The following TNFSF8 variants were observed in gnomAD, a reference collection of about 807,000 sequenced individuals.
The protein encoded by TNFSF8 is TNF superfamily member 8.
In TNFSF8, 4 loss-of-function variants were observed where a neutral mutation model predicts 22.0. The observed-to-expected ratio is 0.18, with a 90% CI of 0.09 to 0.42. The LOEUF is 0.42. TNFSF8 is among the 10% of genes least tolerant of loss of function. The pLI is 1.00. For synonymous variants in TNFSF8, 106 were observed against 112.5 expected, an observed-to-expected ratio of 0.94 and a Z score of 0.37; for missense variants, 233 against 281.8, an observed-to-expected ratio of 0.83 and a Z score of 1.24.
intron 4 of TNFSF8, chr9:114,894,245 C>G: frequency 8.0e-7 from 1 of 1,248,582 alleles, no homozygotes; most frequent in South Asian, 1.3e-5. Context: ...ACTCAGAAGC[C>G]CACAGTTTAG....
chr9:114,901,901 A>G lies in TNFSF8; in HGVS notation c.*2030T>C. On this transcript the variant is annotated 3_prime_UTR_variant, in exon 4 of 4. Transcript: ENST00000223795. Reference sequence around the variant, plus strand: ...GTTCTCTCAAGTCCCTTTCATCCATACCACCACTGCTGATTTGTTCTTTCT... The same window carrying G: ...GTTCTCTCAAGTCCCTTTCATCCATGCCACCACTGCTGATTTGTTCTTTCT... 2.1e-6 allele frequency: 2 copies of G among 965,668 alleles called. No homozygotes were observed. Among genetic ancestry groups the G allele is most frequent in the Non-Finnish European group, 2.5e-6 (2 of 812,062 alleles). 59.8% of individuals were successfully genotyped at this position (965,668 alleles called of 1,614,324 possible). A position where few individuals can be genotyped will look rare whatever the true frequency, so the allele number is the denominator to read the frequency against.
At chr9:114,921,231 GAAGCGTGA>G (rs1827983976) in intron 1 of TNFSF8, among the ~76,000 whole-genome samples, 2 of 152,212 alleles carry the variant, frequency 1.3e-5, no homozygotes, top group Non-Finnish European at 2.9e-5. Context: ...GTCCATGACA[GAAGCGTGA>G]CTATTCCTAT....
chr9:114,898,045 CA>C (rs1827675223), downstream of TNFSF8, among the ~76,000 whole-genome samples: 1 of 150,986 alleles, frequency 6.6e-6, no homozygotes. Flanking sequence ...TTCTGTTGCC[CA>C]GGCTGGAGTG....
At chr9:114,910,746 A>G (rs1017250855) in intron 2 of TNFSF8, among the ~76,000 whole-genome samples, 2 of 152,216 alleles carry the variant, frequency 1.3e-5, no homozygotes, top group African/African-American at 2.4e-5. Flanking sequence ...AGGCGGCTCT[A>G]CCATGGCAAA....
intron 1 of TNFSF8, among the ~76,000 whole-genome samples, chr9:114,928,673 G>A (rs945610089): frequency 6.6e-6 from 1 of 152,180 alleles, no homozygotes; most frequent in Non-Finnish European, 1.5e-5. Flanking sequence ...CAGAGCCCCT[G>A]CAGAAGAAAA....
chr9:114,909,169 T>G (rs562817072), intron 2 of TNFSF8, among the ~76,000 whole-genome samples: 1 of 152,344 alleles, frequency 6.6e-6, no homozygotes, highest in South Asian at 2.1e-4. Context: ...GATGAACATT[T>G]CATGGGTCAT....
At chr9:114,898,380 A>C (rs1179776221), downstream of TNFSF8, among the ~76,000 whole-genome samples, 1 of 152,214 alleles carries the variant, frequency 6.6e-6, no homozygotes, top group Admixed American at 6.5e-5. Context: ...TAAGAGCTTG[A>C]TAAATGGTTA....
intron 1 of TNFSF8, among the ~76,000 whole-genome samples, chr9:114,921,698 C>T (rs1827989359): frequency 6.6e-6 from 1 of 152,228 alleles, no homozygotes; most frequent in Non-Finnish European, 1.5e-5. Flanking sequence ...GGTCCTAGCT[C>T]AGGAAATGTG....
chr9:114,904,860 G>A (rs1392866278), intron 3 of TNFSF8, among the ~76,000 whole-genome samples: 2 of 152,136 alleles, frequency 1.3e-5, no homozygotes, highest in Non-Finnish European at 2.9e-5. Flanking sequence ...CAGGAGAATC[G>A]CCATTAATTT....
In TNFSF8 at chr9:114,930,347, C is replaced by A; in HGVS notation, c.-44G>T. The A allele has an allele frequency of 7.2e-7, 1 of 1,393,776 alleles. No individual in the cohort carries two copies. The highest frequency in any genetic ancestry group is 9.5e-7 in the Non-Finnish European group (1 of 1,053,692). The allele number at this position is 1,393,776 out of a possible 1,614,324, so 86.3% of individuals were successfully genotyped here. ...CACATCACACCTTATCTCTCTTCAT[C>A]TGATTCAGTTCTGGGCCCATCTCTG... is the stretch of plus-strand genomic sequence containing the variant. On this transcript the variant is annotated 5_prime_UTR_variant, in exon 1 of 4. Transcript: ENST00000223795.
intron 2 of TNFSF8, among the ~76,000 whole-genome samples, chr9:114,907,289 G>A (rs1192579420): frequency 1.3e-5 from 2 of 152,196 alleles, no homozygotes; most frequent in South Asian, 2.1e-4. Context: ...GTGAGAGCCA[G>A]TGGGTCAGCT....
chr9:114,923,821 T>A (rs1002013090), intron 1 of TNFSF8, among the ~76,000 whole-genome samples: 1 of 152,122 alleles, frequency 6.6e-6, no homozygotes, highest in African/African-American at 2.4e-5. Flanking sequence ...CCTGGCCAGA[T>A]TACTTGTTAA....
At chr9:114,910,198 C>T (rs1827835941) in intron 2 of TNFSF8, among the ~76,000 whole-genome samples, 1 of 152,126 alleles carries the variant, frequency 6.6e-6, no homozygotes. Flanking sequence ...GATGTGCCAA[C>T]AAAACCCTCC....
intron 2 of TNFSF8, among the ~76,000 whole-genome samples, chr9:114,909,564 A>G (rs1191723009): frequency 1.3e-5 from 2 of 152,252 alleles, no homozygotes; most frequent in Non-Finnish European, 2.9e-5. Flanking sequence ...CCAACATAAT[A>G]GATGAAGAGC....
chr9:114,905,352 C>T (rs1296283523), intron 3 of TNFSF8, among the ~76,000 whole-genome samples: 1 of 152,164 alleles, frequency 6.6e-6, no homozygotes, highest in Non-Finnish European at 1.5e-5. Flanking sequence ...TGCAAATCGG[C>T]CCTGTGCTGA....
At chr9:114,905,943 T>C (rs1339397993) in intron 2 of TNFSF8, 44 bp from the exon 3 acceptor site, 3 of 1,386,318 alleles carry the variant, frequency 2.2e-6, no homozygotes. Context: ...TTTGCCGTTT[T>C]GGGATCTGGA....
intron 4 of TNFSF8, among the ~76,000 whole-genome samples, chr9:114,894,897 T>C (rs1337616502): frequency 6.6e-6 from 1 of 152,212 alleles, no homozygotes; most frequent in Non-Finnish European, 1.5e-5. Flanking sequence ...TGTTTACTCA[T>C]CCCATTGTAT....
chr9:114,917,773 A>G (rs1827937490), intron 2 of TNFSF8, among the ~76,000 whole-genome samples: 1 of 152,204 alleles, frequency 6.6e-6, no homozygotes, highest in Non-Finnish European at 1.5e-5. Context: ...AAGTCAAGCC[A>G]AGATTCATTC....
chr9:114,923,641 C>G (rs929019182), intron 1 of TNFSF8, among the ~76,000 whole-genome samples: 13 of 151,772 alleles, frequency 8.6e-5, no homozygotes, highest in African/African-American at 2.9e-4. Flanking sequence ...CCTCAGCCTC[C>G]CTAGTAGCTG....
Sources: allele counts gnomAD v4.1 joint callset (sites outside exome capture counted in the v4.1 genomes callset), GRCh38; gene constraint gnomAD v4.1.1; transcripts MANE v1.5; gene names NCBI Gene and HGNC (gene_info 2026-07-23, HGNC 2026-07-21).